TTLL11: variants seen among roughly 807,000 people sequenced by gnomAD.
TTLL11 encodes the protein tubulin polyglutamylase TTLL11.
A neutral mutation model predicts 51.7 loss-of-function variants in TTLL11; 42 were observed. That is an observed-to-expected ratio of 0.81 (90% CI 0.64 to 1.05). TTLL11 has a LOEUF of 1.05. Ranked by LOEUF, TTLL11 falls within the 50% of genes least tolerant of loss-of-function variation. The probability of loss-of-function intolerance (pLI) is 0.00; values close to 1 mark genes in which losing one functional copy is unlikely to be tolerated. For synonymous variants in TTLL11, 381 were observed against 383.5 expected, an observed-to-expected ratio of 0.99 and a Z score of 0.08; for missense variants, 799 against 940.4, an observed-to-expected ratio of 0.85 and a Z score of 1.97.
intron 6 of TTLL11, among the ~76,000 whole-genome samples, chr9:121,899,365 G>GTATATATATACATA (rs1554766916): frequency 7.9e-5 from 9 of 113,234 alleles, no homozygotes; most frequent in South Asian, 3.4e-4. Flanking sequence ...ATGTGTGTGT[G>GTATATATATACATA]TATATATATA....
intron 1 of TTLL11, among the ~76,000 whole-genome samples, chr9:122,054,862 T>C (rs902791688): frequency 6.6e-5 from 10 of 152,234 alleles, no homozygotes; most frequent in Admixed American, 5.2e-4. Flanking sequence ...AGGTTTCCAT[T>C]TCAGCAACAC....
intron 1 of TTLL11, among the ~76,000 whole-genome samples, chr9:122,052,807 C>T (rs557713265): frequency 1.5e-4 from 23 of 152,126 alleles, no homozygotes; most frequent in Non-Finnish European, 3.1e-4. Context: ...CTCCTTCCCT[C>T]GAGTTCAGGA....
chr9:122,078,333 T>C (rs1157137527), intron 1 of TTLL11, among the ~76,000 whole-genome samples: 1 of 152,222 alleles, frequency 6.6e-6, no homozygotes, highest in Admixed American at 6.5e-5. Flanking sequence ...GGAAGGGGAC[T>C]TAGCCTAGCC....
intron 1 of TTLL11, among the ~76,000 whole-genome samples, chr9:122,050,023 G>T (rs1413744845): frequency 6.6e-6 from 1 of 152,078 alleles, no homozygotes; most frequent in African/African-American, 2.4e-5. Flanking sequence ...TGCTGTCATG[G>T]CTAAGGTACC....
In TTLL11 at chr9:121,816,314, G is replaced by A. The variant is rs1001120472; in HGVS notation, c.*6273C>T. On this transcript the variant is annotated 3_prime_UTR_variant, in exon 9 of 9. Transcript: ENST00000321582. ...CGAGGGGCTTGGGGGAGCAGTCAGT[G>A]TTCTGTGGCCCAAGACTGGGTCCTG... 6.6e-6 allele frequency: 1 copy of A among 152,192 alleles called. No individual in the cohort carries two copies. Among genetic ancestry groups the A allele is most frequent in the African/African-American group, 2.4e-5 (1 of 41,430 alleles). The allele number at this position is 152,192 out of a possible 1,614,324, so 9.4% of individuals were successfully genotyped here.
chr9:121,975,452 C>T (rs372057308), intron 4 of TTLL11, among the ~76,000 whole-genome samples: 12 of 152,302 alleles, frequency 7.9e-5, no homozygotes, highest in Admixed American at 2.0e-4. Flanking sequence ...TGGCTCATTC[C>T]TGTAATCCCA....
chr9:121,826,551 G>GTATATATATATATATATATATATA (rs1836801712), intron 8 of TTLL11, among the ~76,000 whole-genome samples: 1 of 36,360 alleles, frequency 2.8e-5, no homozygotes, highest in Admixed American at 2.4e-4. Context: ...ATATATATAT[G>GTATATATATATATATATATATATA]TGTGTGTATA....
At chr9:121,957,992 A>T (rs967866380) in intron 6 of TTLL11, among the ~76,000 whole-genome samples, 4 of 152,242 alleles carry the variant, frequency 2.6e-5, no homozygotes, top group Non-Finnish European at 5.9e-5. Flanking sequence ...ATGAAAATTA[A>T]GTCAGATAGC....
intron 6 of TTLL11, among the ~76,000 whole-genome samples, chr9:121,927,879 A>G (rs1564309637): frequency 1.3e-5 from 2 of 152,220 alleles, no homozygotes; most frequent in East Asian, 3.9e-4. Flanking sequence ...AAACCTAGTC[A>G]TGAAGGATCT....
intron 8 of TTLL11, among the ~76,000 whole-genome samples, chr9:121,833,874 C>T (rs1837101890): frequency 2.0e-5 from 3 of 152,162 alleles, no homozygotes; most frequent in South Asian, 2.1e-4. Flanking sequence ...CCTGAGCTTC[C>T]TTGCTAGTAA....
intron 8 of TTLL11, among the ~76,000 whole-genome samples, chr9:121,823,512 C>G (rs1401831223): frequency 6.6e-6 from 1 of 152,162 alleles, no homozygotes; most frequent in Non-Finnish European, 1.5e-5. Flanking sequence ...TGTCACTGTA[C>G]TCCAGCCTGG....
At chr9:121,926,941 C>T (rs773125091) in intron 6 of TTLL11, among the ~76,000 whole-genome samples, 4 of 152,244 alleles carry the variant, frequency 2.6e-5, no homozygotes, top group East Asian at 1.9e-4. Context: ...TGCAGACAGC[C>T]GACTTCTCAT....
intron 7 of TTLL11, among the ~76,000 whole-genome samples, chr9:121,867,515 T>C (rs1006151594): frequency 6.6e-6 from 1 of 152,214 alleles, no homozygotes; most frequent in Non-Finnish European, 1.5e-5. Context: ...CTCTTCTCTA[T>C]GGGTAGGACT....
intron 1 of TTLL11, among the ~76,000 whole-genome samples, chr9:122,087,539 G>C (rs377513146): frequency 5.3e-5 from 8 of 152,234 alleles, no homozygotes; most frequent in Admixed American, 2.6e-4. Flanking sequence ...TAGATCTCAG[G>C]ACAGGGGCTT....
chr9:121,883,955 T>C (rs1208320679), intron 6 of TTLL11, among the ~76,000 whole-genome samples: 1 of 152,228 alleles, frequency 6.6e-6, no homozygotes, highest in Non-Finnish European at 1.5e-5. Context: ...TTAACCTTAC[T>C]GAGCATCAGT....
At chr9:121,899,402 T>TAC (rs1323281447) in intron 6 of TTLL11, among the ~76,000 whole-genome samples, 37 of 82,756 alleles carry the variant, frequency 4.5e-4, no homozygotes, top group East Asian at 7.1e-4. Context: ...TATATATATA[T>TAC]ACACACACAC....
chr9:122,082,399 G>A (rs1028963937), intron 1 of TTLL11, among the ~76,000 whole-genome samples: 2 of 151,866 alleles, frequency 1.3e-5, no homozygotes, highest in Admixed American at 6.6e-5. Context: ...CTACTCTGGA[G>A]GCTGAGGCAC....
intron 6 of TTLL11, among the ~76,000 whole-genome samples, chr9:121,959,336 A>G (rs993099724): frequency 1.3e-5 from 2 of 152,106 alleles, no homozygotes; most frequent in African/African-American, 4.8e-5. Flanking sequence ...TTATTGTTGT[A>G]ATGGGCCACA....
intron 8 of TTLL11, among the ~76,000 whole-genome samples, chr9:121,826,553 G>GTATATATA (rs1385087890): frequency 2.2e-5 from 1 of 45,224 alleles, no homozygotes; most frequent in African/African-American, 1.8e-4. Context: ...ATATATATGT[G>GTATATATA]TGTGTATATA....
Sources: gnomAD v4.1 joint callset for allele counts (sites outside exome capture counted in the v4.1 genomes callset) on GRCh38, gnomAD v4.1.1 for gene constraint, MANE v1.5 for transcripts, NCBI Gene and HGNC (gene_info 2026-07-23, HGNC 2026-07-21) for gene names.